ATF3: variants seen among roughly 807,000 people sequenced by gnomAD.
The protein encoded by ATF3 is activating transcription factor 3, also known as cyclic AMP-dependent transcription factor ATF-3.
In ATF3, 10 loss-of-function variants were observed where a neutral mutation model predicts 18.4. The observed-to-expected ratio is 0.54, with a 90% CI of 0.34 to 0.92. The LOEUF (loss-of-function observed/expected upper bound fraction) is 0.92. ATF3 is among the 40% of genes least tolerant of loss of function. The pLI is 0.02. For missense variants in ATF3, 183 were observed against 222.3 expected, an observed-to-expected ratio of 0.82 and a Z score of 1.12; for synonymous variants, 78 against 87.9, an observed-to-expected ratio of 0.89 and a Z score of 0.63.
chr1:212,567,935 C>A (rs895998565), intron 1 of ATF3, among the ~76,000 whole-genome samples: 2 of 152,188 alleles, frequency 1.3e-5, no homozygotes, highest in African/African-American at 4.8e-5. Context: ...ATGGGAATGC[C>A]TCAATTTCCT....
At chr1:212,585,203 T>G (rs886263415) in intron 1 of ATF3, among the ~76,000 whole-genome samples, 3 of 152,176 alleles carry the variant, frequency 2.0e-5, no homozygotes, top group Non-Finnish European at 4.4e-5. Flanking sequence ...TGAGCGGGGC[T>G]CCTGTGTGTG....
chr1:212,618,825 T>G lies in ATF3; in HGVS notation c.349-533T>G, dbSNP rs1655244322. On this transcript the variant is annotated intron_variant, in intron 3 of 3. Coordinates refer to ENST00000341491, the MANE Select transcript of ATF3 (RefSeq NM_001674.4). The surrounding 1 kb of genome is among the most constrained non-coding windows in gnomAD (Gnocchi z 4.4). ...GTGGCCGGTGGTGCTCAGCAGTCTTTCCAGTGGCTGTGTCCCTCCTCCAAA... is the reference window on the plus strand; with the variant it reads ...GTGGCCGGTGGTGCTCAGCAGTCTTGCCAGTGGCTGTGTCCCTCCTCCAAA... 2 of 620,848 alleles carry G rather than the reference T, an allele frequency of 3.2e-6. No homozygotes were observed. 38.5% of individuals were successfully genotyped at this position (620,848 alleles called of 1,614,324 possible).
intron 1 of ATF3, among the ~76,000 whole-genome samples, chr1:212,581,768 C>A (rs1468891746): frequency 2.0e-5 from 3 of 152,056 alleles, no homozygotes; most frequent in Non-Finnish European, 2.9e-5. Context: ...ATCTTACACA[C>A]AGATATAATA....
At chr1:212,568,001 C>T (rs999782802) in intron 1 of ATF3, among the ~76,000 whole-genome samples, 5 of 152,156 alleles carry the variant, frequency 3.3e-5, no homozygotes, top group Admixed American at 1.3e-4. Context: ...GAAGAAGAGC[C>T]TTGAACTTTT....
chr1:212,586,894 C>T (rs897796758), intron 1 of ATF3, among the ~76,000 whole-genome samples: 1 of 152,146 alleles, frequency 6.6e-6, no homozygotes, highest in Non-Finnish European at 1.5e-5. Flanking sequence ...TCACCCAAGT[C>T]CCTGCAGGGC....
In ATF3 at chr1:212,619,570, G is replaced by T; in HGVS notation, c.*15G>T. 1 of 1,613,602 alleles carries T rather than the reference G, an allele frequency of 6.2e-7. No homozygotes were observed. Among genetic ancestry groups the T allele is most frequent in the South Asian group, 1.1e-5 (1 of 90,944 alleles). ...TGCAGAGCTAAGCAGTCGTGGTATGGGGGCGACTGGGGAGTCCTCATTGAA... is the reference window on the plus strand; with the variant it reads ...TGCAGAGCTAAGCAGTCGTGGTATGTGGGCGACTGGGGAGTCCTCATTGAA... On this transcript the variant is annotated 3_prime_UTR_variant, in exon 4 of 4. Transcript: ENST00000341491. The surrounding 1 kb of genome is among the most constrained non-coding windows in gnomAD (Gnocchi z 4.4).
intron 1 of ATF3, among the ~76,000 whole-genome samples, chr1:212,610,855 G>C (rs1665846717): frequency 6.6e-6 from 1 of 152,162 alleles, no homozygotes. Flanking sequence ...TGAGCAGTCG[G>C]TGGGTGTTCA....
At chr1:212,595,339 C>A (rs1442724671) in intron 1 of ATF3, among the ~76,000 whole-genome samples, 1 of 152,222 alleles carries the variant, frequency 6.6e-6, no homozygotes, top group Admixed American at 6.5e-5. Flanking sequence ...TGGCTCTAAC[C>A]TTTTTCTCCA....
chr1:212,602,200 C>T (rs1289614771), intron 1 of ATF3, among the ~76,000 whole-genome samples: 1 of 152,172 alleles, frequency 6.6e-6, no homozygotes, highest in East Asian at 1.9e-4. Flanking sequence ...TACACCATCC[C>T]CTTTTCAGCC....
upstream of ATF3, among the ~76,000 whole-genome samples, chr1:212,606,836 A>ACACG (rs1163042391): frequency 1.3e-5 from 2 of 152,304 alleles, no homozygotes; most frequent in East Asian, 3.9e-4. Context: ...GGCTGCTCCG[A>ACACG]CACGCCCGGG....
At chr1:212,603,444 C>T (rs1285671238) in intron 1 of ATF3, among the ~76,000 whole-genome samples, 1 of 152,170 alleles carries the variant, frequency 6.6e-6, no homozygotes, top group Non-Finnish European at 1.5e-5. Context: ...TTTGGGGGTC[C>T]TTCCATCTTC....
chr1:212,583,840 T>G (rs554443413), intron 1 of ATF3, among the ~76,000 whole-genome samples: 38 of 152,124 alleles, frequency 2.5e-4, no homozygotes, highest in Non-Finnish European at 5.0e-4. Context: ...TTTTTTAAAA[T>G]GGGAATCATA....
At chr1:212,616,490 G>A (rs1655132657) in intron 2 of ATF3, among the ~76,000 whole-genome samples, 1 of 152,102 alleles carries the variant, frequency 6.6e-6, no homozygotes, top group Non-Finnish European at 1.5e-5. Flanking sequence ...TAGAGACGGG[G>A]TTTCTCCATG....
rs1655264989 is a variant in ATF3 at position 212,619,252 on chromosome 1, C to T, written c.349-106C>T. On this transcript the variant is annotated intron_variant, in intron 3 of 3. Coordinates refer to ENST00000341491, the MANE Select transcript of ATF3 (RefSeq NM_001674.4). The surrounding 1 kb of genome is among the most constrained non-coding windows in gnomAD (Gnocchi z 4.4). ...ATCTTCCTCTCGCAGCTTGATGAGC[C>T]CCGGTGTGTCCCAGGTACACCCCTG... 3.7e-6 allele frequency: 6 copies of T among 1,611,016 alleles called. No homozygotes were observed. The East Asian group carries it at 1.3e-4, about 36-fold the overall frequency.
intron 1 of ATF3, among the ~76,000 whole-genome samples, chr1:212,596,897 G>T (rs1665004784): frequency 6.6e-6 from 1 of 152,196 alleles, no homozygotes; most frequent in African/African-American, 2.4e-5. Context: ...TAATGTTGGG[G>T]TATCTGCTAA....
intron 1 of ATF3, chr1:212,613,868 CT>C (rs1433845515): frequency 6.6e-6 from 1 of 152,178 alleles, no homozygotes. Context: ...CTTTATTTTC[CT>C]TTTGTCATCC....
chr1:212,566,663 C>T lies in ATF3; in HGVS notation c.-5+1180C>T, dbSNP rs1340352861. On this transcript the variant is annotated intron_variant, in intron 1 of 3. Coordinates refer to the ATF3 transcript ENST00000366981. ...CAGTTCCTGTTCCTTTCCCAGCAGC[C>T]GAGGAAGGGGAAACAGTTGAGAGGT... Among the ~76,000 whole-genome samples the T allele has an allele frequency of 3.9e-5, 6 of 151,996 alleles. No homozygotes were observed. In the East Asian group the frequency reaches 9.6e-4, roughly 24 times the overall value.
chr1:212,612,264 T>A (rs551359031), intron 1 of ATF3, among the ~76,000 whole-genome samples: 3 of 152,226 alleles, frequency 2.0e-5, no homozygotes, highest in African/African-American at 7.2e-5. Context: ...GCTTCTTTCA[T>A]TGGGACTGCT....
upstream of ATF3, among the ~76,000 whole-genome samples, chr1:212,607,541 G>A (rs1165957252): frequency 6.6e-6 from 1 of 152,232 alleles, no homozygotes; most frequent in African/African-American, 2.4e-5. Flanking sequence ...CGGACCACGG[G>A]GCCCCGCCTT....
Sources: gnomAD v4.1 joint callset for allele counts (sites outside exome capture counted in the v4.1 genomes callset) on GRCh38, gnomAD v4.1.1 for gene constraint, Gnocchi (gnomAD v3.1) non-coding constraint, MANE v1.5 for transcripts, NCBI Gene and HGNC (gene_info 2026-07-23, HGNC 2026-07-21) for gene names.